Variants in SNX29 observed in about 807,000 individuals in gnomAD.
SNX29 encodes the protein sorting nexin-29.
Under a neutral mutation model 102.1 loss-of-function variants are expected in SNX29, and 78 were observed. That is an observed-to-expected ratio of 0.76 (90% confidence interval 0.64 to 0.92). The LOEUF is 0.92. Among genes scored for constraint, SNX29 ranks in the 40% least tolerant of loss-of-function variants. The probability of loss-of-function intolerance (pLI) is 0.00; values close to 1 mark genes in which losing one functional copy is unlikely to be tolerated. For missense variants in SNX29, 1,280 were observed against 1,061.7 expected (o/e 1.21, Z -2.86); for synonymous variants, 580 against 414.5 (o/e 1.40, Z -4.85).
At chr16:12,001,150 C>T (rs13334063) in intron 2 of SNX29, among the ~76,000 whole-genome samples, 58,794 of 151,830 alleles carry the variant, frequency 0.39, 12,855 homozygotes, top group Non-Finnish European at 0.5. Flanking sequence ...CTAGCTCTGT[C>T]GCCCGGGCTG....
intron 13 of SNX29, among the ~76,000 whole-genome samples, chr16:12,171,609 G>A (rs1054200021): frequency 1.3e-5 from 2 of 152,204 alleles, no homozygotes; most frequent in African/African-American, 2.4e-5. Flanking sequence ...CTCTTCTGGG[G>A]TAGCGTTGCC....
At chr16:12,095,066 C>T (rs1194928387) in intron 11 of SNX29, 1 of 152,170 alleles carries the variant, frequency 6.6e-6, no homozygotes, top group Non-Finnish European at 1.5e-5. Context: ...CATAATGATA[C>T]AGACCTGTGG....
At chr16:12,393,416 T>TCATTCATTCATGCATGCATGCATGCATG (rs2083607964) in intron 16 of SNX29, among the ~76,000 whole-genome samples, 1 of 96,428 alleles carries the variant, frequency 1.0e-5, no homozygotes, top group African/African-American at 2.8e-5. Flanking sequence ...ATGCATGCAT[T>TCATTCATTCATGCATGCATGCATGCATG]CATTCATTCA....
rs767249652 is a variant in SNX29 at position 12,568,671 on chromosome 16, G to GCTGCGTCCACCCCAGCCACTGC, written c.*44_*65dup. The GCTGCGTCCACCCCAGCCACTGC allele has an allele frequency of 1.1e-4, 171 of 1,590,646 alleles. No individual in the cohort carries two copies. In the African/African-American group the frequency reaches 2.0e-3, roughly 18 times the overall value. On this transcript the variant is annotated 3_prime_UTR_variant, in exon 21 of 21. Transcript: ENST00000566228. ...GCCACGGGCCCTGTGCGTGGCACCA[G>GCTGCGTCCACCCCAGCCACTGC]CTGCGTCCACCCCAGCCACTGCCGC... is the stretch of plus-strand genomic sequence containing the variant.
At chr16:12,524,960 G>C (rs908521739) in intron 20 of SNX29, 119 bp downstream of exon 20, 1 of 1,428,866 alleles carries the variant, frequency 7.0e-7, no homozygotes, top group Non-Finnish European at 9.5e-7. Context: ...ATGGGACCCA[G>C]GCGAACTCCA....
chr16:12,024,015 A>G (rs553557142), intron 3 of SNX29, among the ~76,000 whole-genome samples: 7 of 152,318 alleles, frequency 4.6e-5, no homozygotes, highest in African/African-American at 1.2e-4. Flanking sequence ...AGTTAGCAAG[A>G]GCAGGCAGCC....
chr16:12,333,672 C>T (rs868717925), intron 15 of SNX29, among the ~76,000 whole-genome samples: 1 of 152,052 alleles, frequency 6.6e-6, no homozygotes, highest in Non-Finnish European at 1.5e-5. Context: ...AGTCCGGACT[C>T]TCTAATCTTT....
In SNX29 at chr16:12,573,927, G is replaced by C. The variant is rs1405509140; in HGVS notation, c.*5298G>C. On this transcript the variant is annotated 3_prime_UTR_variant, in exon 21 of 21. Coordinates refer to ENST00000566228, the MANE Select transcript of SNX29 (RefSeq NM_032167.5). ...ACTCACCTGACACCGACTTCTTAGAGAAGCGAGTCTTTTTTGAATGGAGGA... is the reference window on the plus strand; with the variant it reads ...ACTCACCTGACACCGACTTCTTAGACAAGCGAGTCTTTTTTGAATGGAGGA... The C allele has an allele frequency of 2.0e-5, 4 of 202,642 alleles. No individual in the cohort carries two copies. In the East Asian group the frequency reaches 3.0e-4, roughly 15 times the overall value. The allele number at this position is 202,642 out of a possible 1,614,324, so 12.6% of individuals were successfully genotyped here.
chr16:12,512,369 A>AATATAT (rs58157322), intron 19 of SNX29, among the ~76,000 whole-genome samples: 66 of 43,878 alleles, frequency 1.5e-3, no homozygotes, highest in South Asian at 2.1e-3. Context: ...GCCCAGGGAA[A>AATATAT]ATATATATAT....
chr16:12,562,976 G>A (rs933324416), intron 20 of SNX29, among the ~76,000 whole-genome samples: 3 of 105,528 alleles, frequency 2.8e-5, no homozygotes, highest in Admixed American at 8.7e-5. Context: ...AGGGGTGAGG[G>A]CTGATGCGTA....
chr16:12,205,398 T>G (rs1376978908), intron 14 of SNX29, among the ~76,000 whole-genome samples: 2 of 152,204 alleles, frequency 1.3e-5, no homozygotes, highest in Non-Finnish European at 2.9e-5. Flanking sequence ...TGTTTACCGT[T>G]CATGGTTTTC....
chr16:12,088,546 T>A (rs2151387967), intron 11 of SNX29, among the ~76,000 whole-genome samples: 1 of 152,314 alleles, frequency 6.6e-6, no homozygotes, highest in South Asian at 2.1e-4. Flanking sequence ...GGAATGGCGT[T>A]TCGAGTGTTG....
chr16:12,456,841 C>T (rs370978328), intron 18 of SNX29, among the ~76,000 whole-genome samples: 2 of 152,078 alleles, frequency 1.3e-5, no homozygotes, highest in Non-Finnish European at 2.9e-5. Context: ...TTCACAGAGA[C>T]GTACCTAGGT....
intron 1 of SNX29, among the ~76,000 whole-genome samples, chr16:11,997,769 G>A (rs2056140268): frequency 6.6e-6 from 1 of 152,158 alleles, no homozygotes; most frequent in Non-Finnish European, 1.5e-5. Context: ...GTGAGCCACT[G>A]TACCCGGCCT....
chr16:12,532,578 C>T (rs1450018838), intron 20 of SNX29, among the ~76,000 whole-genome samples: 1 of 152,172 alleles, frequency 6.6e-6, no homozygotes, highest in Non-Finnish European at 1.5e-5. Flanking sequence ...CTGACTTCAC[C>T]ATCTGAAATC....
At chr16:12,216,122 T>C (rs1241689732) in intron 14 of SNX29, among the ~76,000 whole-genome samples, 4 of 152,194 alleles carry the variant, frequency 2.6e-5, no homozygotes, top group Non-Finnish European at 5.9e-5. Flanking sequence ...GTTTTCTTTC[T>C]CCTTATTAAA....
intron 13 of SNX29, among the ~76,000 whole-genome samples, chr16:12,140,716 C>G (rs1340861842): frequency 6.6e-6 from 1 of 152,040 alleles, no homozygotes; most frequent in Non-Finnish European, 1.5e-5. Context: ...AAGCGGTAGC[C>G]CGAAGGTCTC....
chr16:12,530,647 C>G (rs1474287911), intron 20 of SNX29, among the ~76,000 whole-genome samples: 1 of 151,802 alleles, frequency 6.6e-6, no homozygotes, highest in Non-Finnish European at 1.5e-5. Flanking sequence ...TTTCCCTCTT[C>G]TGGGTTCAAG....
chr16:12,349,986 A>C (rs1341145840), intron 15 of SNX29, among the ~76,000 whole-genome samples: 1 of 152,174 alleles, frequency 6.6e-6, no homozygotes, highest in Non-Finnish European at 1.5e-5. Flanking sequence ...AGCAATATGA[A>C]ATTGCTTGAA....
Sources: allele counts gnomAD v4.1 joint callset (sites outside exome capture counted in the v4.1 genomes callset), GRCh38; gene constraint gnomAD v4.1.1; transcripts MANE v1.5; gene names NCBI Gene and HGNC (gene_info 2026-07-23, HGNC 2026-07-21).